The following TLN2 variants were observed in gnomAD, a reference collection of about 807,000 sequenced individuals.
The protein encoded by TLN2 is talin-2.
Under a neutral mutation model 294.7 loss-of-function variants are expected in TLN2, and 118 were observed. The observed-to-expected ratio is 0.40, with a 90% CI of 0.34 to 0.47. The LOEUF is 0.47. Among genes scored for constraint, TLN2 ranks in the 20% least tolerant of loss-of-function variants. TLN2 has a pLI of 0.84. For missense variants in TLN2, 3,083 were observed against 3,282.2 expected (o/e 0.94, Z 1.48); for synonymous variants, 1,431 against 1,304.5 (o/e 1.10, Z -2.09).
intron 1 of TLN2, among the ~76,000 whole-genome samples, chr15:62,485,402 G>A (rs910691488): frequency 3.3e-5 from 5 of 152,180 alleles, no homozygotes; most frequent in African/African-American, 7.2e-5. Flanking sequence ...GCTGTTTGCT[G>A]TGCTGTTCGA....
intron 1 of TLN2, among the ~76,000 whole-genome samples, chr15:62,512,283 A>G (rs1410757539): frequency 6.6e-6 from 1 of 151,974 alleles, no homozygotes; most frequent in Non-Finnish European, 1.5e-5. Flanking sequence ...GGGCCCTCTG[A>G]CTGAGTCGGT....
At chr15:62,725,649 T>C (rs1451982502) in intron 27 of TLN2, among the ~76,000 whole-genome samples, 2 of 152,202 alleles carry the variant, frequency 1.3e-5, no homozygotes, top group African/African-American at 4.8e-5. Context: ...AATACCACCA[T>C]GTATTAAGCA....
At position 62,737,041 on chromosome 15, in the gene TLN2, C is replaced by G; in HGVS notation, c.3522C>G (p.Ala1174=). The G allele has an allele frequency of 1.2e-6, 2 of 1,614,162 alleles. No homozygotes were observed. The highest frequency in any genetic ancestry group is 8.5e-7 in the Non-Finnish European group (1 of 1,180,034). ...TGCTCATTCAAGAGGCCAAGCAGGCCCTGATTGCACCTGGAGATGCAGAGC... is the reference window on the plus strand; with the variant it reads ...TGCTCATTCAAGAGGCCAAGCAGGCGCTGATTGCACCTGGAGATGCAGAGC... The part of the protein sequence containing the change: ...SAMLIQEAKQ[A]LIAPGDAERQ... The change falls in exon 29 of 59, where the codon GCC becomes GCG. Residue 1174 remains alanine, a synonymous_variant. Coordinates refer to ENST00000636159, the MANE Select transcript of TLN2 (RefSeq NM_015059.3).
chr15:62,840,428 C>A, intron 58 of TLN2, 54 bp from the exon 59 acceptor site: 2 of 1,603,658 alleles, frequency 1.2e-6, no homozygotes, highest in Non-Finnish European at 1.7e-6. Flanking sequence ...TGGGGTGGGT[C>A]GGAGGGTTTT....
intron 22 of TLN2, among the ~76,000 whole-genome samples, chr15:62,712,783 G>A (rs183132093): frequency 6.6e-6 from 1 of 152,074 alleles, no homozygotes; most frequent in Non-Finnish European, 1.5e-5. Context: ...AGGATATTCC[G>A]ATGTGCATCT....
chr15:62,638,325 TA>T (rs1247394109), intron 3 of TLN2: 2 of 353,356 alleles, frequency 5.7e-6, no homozygotes, highest in Non-Finnish European at 1.1e-5. Flanking sequence ...TTCTGAAACT[TA>T]CCATTTCTAT....
intron 4 of TLN2, among the ~76,000 whole-genome samples, chr15:62,649,562 C>T (rs891303622): frequency 1.3e-5 from 2 of 152,014 alleles, no homozygotes; most frequent in African/African-American, 2.4e-5. Context: ...TGTTGGTGGT[C>T]GGGGTCAGAG....
chr15:62,424,780 G>C (rs1170975542), intron 1 of TLN2, among the ~76,000 whole-genome samples: 1 of 151,854 alleles, frequency 6.6e-6, no homozygotes, highest in African/African-American at 2.4e-5. Flanking sequence ...AGCCTCCTGA[G>C]TAGCAGGGAC....
chr15:62,696,320 C>T (rs150277289), intron 14 of TLN2, among the ~76,000 whole-genome samples: 126 of 152,322 alleles, frequency 8.3e-4, no homozygotes, highest in Middle Eastern at 3.4e-3. Flanking sequence ...CACTGGGCTT[C>T]TGAGGAACAT....
intron 1 of TLN2, among the ~76,000 whole-genome samples, chr15:62,520,445 A>G (rs1270769978): frequency 6.6e-6 from 1 of 152,246 alleles, no homozygotes; most frequent in Non-Finnish European, 1.5e-5. Flanking sequence ...ACATGTGTGT[A>G]AGTGTACATA....
intron 44 of TLN2, among the ~76,000 whole-genome samples, chr15:62,782,677 C>G (rs1269080313): frequency 6.6e-6 from 1 of 152,244 alleles, no homozygotes; most frequent in African/African-American, 2.4e-5. Flanking sequence ...TGGCAACACT[C>G]ACTCTCGTGC....
intron 1 of TLN2, among the ~76,000 whole-genome samples, chr15:62,569,349 A>G (rs1170850737): frequency 1.3e-5 from 2 of 152,238 alleles, no homozygotes; most frequent in African/African-American, 4.8e-5. Flanking sequence ...GTATGCTCTC[A>G]TGGGAAGACC....
intron 1 of TLN2, among the ~76,000 whole-genome samples, chr15:62,395,941 T>C (rs2032509694): frequency 6.6e-6 from 1 of 152,148 alleles, no homozygotes; most frequent in Non-Finnish European, 1.5e-5. Context: ...GTTCAAGTGA[T>C]TCTCCTGCCT....
intron 2 of TLN2, among the ~76,000 whole-genome samples, chr15:62,615,619 T>C (rs1380016953): frequency 6.6e-6 from 1 of 152,250 alleles, no homozygotes; most frequent in East Asian, 1.9e-4. Context: ...TTTTAGTCTT[T>C]TATGTTCATA....
At chr15:62,796,094 T>C (rs1256114652) in intron 46 of TLN2, 33 bp from the exon 47 acceptor site, 1 of 1,607,886 alleles carries the variant, frequency 6.2e-7, no homozygotes, top group Non-Finnish European at 8.5e-7. Context: ...TCTCCATTTC[T>C]TAGCTCCCCT....
At chr15:62,575,293 G>T (rs763547776) in intron 1 of TLN2, among the ~76,000 whole-genome samples, 1 of 152,094 alleles carries the variant, frequency 6.6e-6, no homozygotes, top group African/African-American at 2.4e-5. Flanking sequence ...GCACTCCAGC[G>T]TGAGTGACAG....
chr15:62,834,652 A>G (rs541224794), intron 55 of TLN2: 2 of 152,216 alleles, frequency 1.3e-5, no homozygotes, highest in South Asian at 2.1e-4. Context: ...CTGGCACACA[A>G]GCTGTTCTCT....
At chr15:62,516,966 G>C (rs190009294) in intron 1 of TLN2, among the ~76,000 whole-genome samples, 1 of 152,240 alleles carries the variant, frequency 6.6e-6, no homozygotes, top group East Asian at 1.9e-4. Context: ...TCCAGTGATG[G>C]GATTGTTCTG....
intron 1 of TLN2, among the ~76,000 whole-genome samples, chr15:62,549,719 C>T (rs2140550323): frequency 6.6e-6 from 1 of 152,260 alleles, no homozygotes; most frequent in South Asian, 2.1e-4. Context: ...CCGGAGGTGT[C>T]AGCTGATAAC....
Sources: allele counts gnomAD v4.1 joint callset (sites outside exome capture counted in the v4.1 genomes callset), GRCh38; gene constraint gnomAD v4.1.1; transcripts MANE v1.5; gene names NCBI Gene and HGNC (gene_info 2026-07-23, HGNC 2026-07-21).